Variants in RNF123 observed in about 807,000 individuals in gnomAD.
The protein encoded by RNF123 is ring finger protein 123.
In RNF123, 86 loss-of-function variants were observed where a neutral mutation model predicts 168.5. The ratio of observed to expected loss-of-function variants is 0.51; its 90% CI spans 0.43 to 0.61. The LOEUF is 0.61. RNF123 is among the 20% of genes least tolerant of loss of function. RNF123 has a pLI of 0.00. For missense variants in RNF123, 1,419 were observed against 1,729.7 expected, an observed-to-expected ratio of 0.82 and a Z score of 3.19; for synonymous variants, 666 against 689.1, an observed-to-expected ratio of 0.97 and a Z score of 0.52.
rs752125206 is a variant in RNF123, at chr3:49,699,599, G to A, written c.879+17G>A. On this transcript the variant is annotated intron_variant, in intron 11 of 38. Coordinates refer to ENST00000327697, the MANE Select transcript of RNF123 (RefSeq NM_022064.5). This position sits in a 1 kb window ranked among gnomAD's most constrained non-coding sequence, Gnocchi z 4.8. ...GACCCTGTGGTGAGCTGGGGTCTGG[G>A]CCAGGCGGGGTGGGGGGCTTCCACA... 6.2e-7 allele frequency: 1 copy of A among 1,612,750 alleles called. No individual in the cohort carries two copies. Among genetic ancestry groups the A allele is most frequent in the South Asian group, 1.1e-5 (1 of 91,016 alleles).
rs201130976 is a variant in RNF123, at chr3:49,691,434, A to G, written c.92A>G (p.Gln31Arg). The G allele has an allele frequency of 2.3e-5, 37 of 1,614,192 alleles. No homozygotes were observed. The highest frequency in any genetic ancestry group is 3.1e-5 in the Non-Finnish European group (36 of 1,180,020). Residue 31 changes from glutamine (Q) to arginine (R), a missense_variant, in exon 3 of 39, where the codon CAG becomes CGG. This residue lies in a region of RNF123 where 318 missense variants were observed against 446.6 expected (regional missense o/e 0.71). Coordinates refer to ENST00000327697, the MANE Select transcript of RNF123 (RefSeq NM_022064.5). ...AEKSRVTGIV[Q>R]EKLLNDYLNR... ...CTGACTTGTGGCTCAGGCATTGTGC[A>G]GGAGAAGCTGCTGAATGACTACCTG...
Position 49,721,377 on chromosome 3 carries a change from T to C in RNF123, c.*72T>C, listed in dbSNP as rs566389723. 2.5e-6 allele frequency: 4 copies of C among 1,596,026 alleles called. No individual in the cohort carries two copies. The Admixed American group carries it at 5.0e-5, about 20-fold the overall frequency. On this transcript the variant is annotated 3_prime_UTR_variant, in exon 39 of 39. Transcript: ENST00000327697. ...GCCAGGCTGGGCCCTATTTATGAGC[T>C]CCCTTTGCCCTTCTCCTGTATCCCA...
chr3:49,690,216 G>T (rs1030215525), intron 1 of RNF123, among the ~76,000 whole-genome samples: 1 of 152,228 alleles, frequency 6.6e-6, no homozygotes, highest in Non-Finnish European at 1.5e-5. Flanking sequence ...CTAGACCTGC[G>T]CTGTCTAATA....
intron 9 of RNF123, 25 bp from the exon 10 acceptor site, chr3:49,698,955 C>G (rs759773647): frequency 1.4e-5 from 22 of 1,612,792 alleles, no homozygotes; most frequent in Non-Finnish European, 1.9e-5. Context: ...TTAGCACTGG[C>G]TCACAGACCC....
At chr3:49,718,649 A>T in intron 35 of RNF123, 1 of 1,613,038 alleles carries the variant, frequency 6.2e-7, no homozygotes, top group Non-Finnish European at 8.5e-7. Context: ...GCCGACGAGC[A>T]GTTCTCAAAG....
rs201130976 is a variant in RNF123, at chr3:49,691,434, A to C, written c.92A>C (p.Gln31Pro). The C allele has an allele frequency of 6.2e-7, 1 of 1,614,192 alleles. No individual in the cohort carries two copies. The highest frequency in any genetic ancestry group is 1.7e-5 in the Admixed American group (1 of 60,026). Residue 31 changes from glutamine to proline, a missense_variant, in exon 3 of 39, where the codon CAG becomes CCG. Around this residue, in one of 5 missense-constraint regions of RNF123, gnomAD observed 318 missense variants for 446.6 expected, o/e 0.71. Coordinates refer to ENST00000327697, the MANE Select transcript of RNF123 (RefSeq NM_022064.5). ...CTGACTTGTGGCTCAGGCATTGTGC[A>C]GGAGAAGCTGCTGAATGACTACCTG... ...AEKSRVTGIV[Q>P]EKLLNDYLNR...
intron 28 of RNF123, 41 bp from the exon 29 acceptor site, chr3:49,713,697 C>T: frequency 6.3e-7 from 1 of 1,575,432 alleles, no homozygotes; most frequent in Non-Finnish European, 8.6e-7. Flanking sequence ...GGGTCCAGGG[C>T]TCATGCCAAG....
rs776207744 is a variant in RNF123, at chr3:49,716,119, G to C, written c.3357G>C (p.Leu1119=). ...CCTCACAGCTGCTAAACCAGGTGCT[G>C]AACCGGGTGACAGCTGAGAGGAACC... is the stretch of plus-strand genomic sequence containing the variant. ...RRLAQLLNQV[L]NRVTAERNLF... The change falls in exon 34 of 39, where the codon CTG becomes CTC. Residue 1119 remains leucine, a synonymous_variant. Coordinates refer to ENST00000327697, the MANE Select transcript of RNF123 (RefSeq NM_022064.5). The C allele has an allele frequency of 6.2e-7, 1 of 1,613,772 alleles. No individual in the cohort carries two copies. The highest frequency in any genetic ancestry group is 1.3e-5 in the African/African-American group (1 of 75,058).
chr3:49,719,711 A>G lies in RNF123; in HGVS notation c.3501-800A>G, dbSNP rs2080348659. The G allele has an allele frequency of 8.3e-6, 4 of 479,250 alleles. No individual in the cohort carries two copies. The South Asian group carries it at 1.4e-4, about 17-fold the overall frequency. The allele number at this position is 479,250 out of a possible 1,614,324, so 29.7% of individuals were successfully genotyped here. On this transcript the variant is annotated intron_variant, in intron 35 of 38. Coordinates refer to ENST00000327697, the MANE Select transcript of RNF123 (RefSeq NM_022064.5). Reference sequence around the variant, plus strand: ...AAGCGAGTTCCTGATCGGCTCCTAAATACTCCCCCCAGGGGCGGGGCCCGG... The same window carrying G: ...AAGCGAGTTCCTGATCGGCTCCTAAGTACTCCCCCCAGGGGCGGGGCCCGG...
In RNF123 at chr3:49,691,435, G is replaced by A; in HGVS notation, c.93G>A (p.Gln31=). 2 of 1,614,186 alleles carry A rather than the reference G, an allele frequency of 1.2e-6. No individual in the cohort carries two copies. Among genetic ancestry groups the A allele is most frequent in the Admixed American group, 1.7e-5 (1 of 60,026 alleles). The change falls in exon 3 of 39, where the codon CAG becomes CAA. Residue 31 remains glutamine (Q), a synonymous_variant. Transcript: ENST00000327697. ...TGACTTGTGGCTCAGGCATTGTGCA[G>A]GAGAAGCTGCTGAATGACTACCTGA... ...AEKSRVTGIV[Q]EKLLNDYLNR...
intron 35 of RNF123, chr3:49,719,662 C>T (rs1257966887): frequency 8.7e-6 from 5 of 572,930 alleles, no homozygotes; most frequent in Non-Finnish European, 1.6e-5. Context: ...AGCCGCGCTC[C>T]CTTCGGCTTC....
intron 3 of RNF123, among the ~76,000 whole-genome samples, chr3:49,696,166 T>TGGGAACC (rs1296770485): frequency 6.6e-6 from 1 of 152,218 alleles, no homozygotes; most frequent in East Asian, 1.9e-4. Flanking sequence ...CTGACCACTT[T>TGGGAACC]GGGAACCAGC....
intron 31 of RNF123, among the ~76,000 whole-genome samples, chr3:49,714,961 C>T (rs2080210948): frequency 2.0e-5 from 3 of 152,252 alleles, no homozygotes; most frequent in East Asian, 1.9e-4. Flanking sequence ...AACTGAGCTG[C>T]AAGTGGAGAG....
At position 49,697,439 on chromosome 3, in the gene RNF123, G is replaced by A. The variant is rs1448421619; in HGVS notation, c.324G>A (p.Val108=). 3 of 1,608,842 alleles carry A rather than the reference G, an allele frequency of 1.9e-6. No individual in the cohort carries two copies. Among genetic ancestry groups the A allele is most frequent in the Admixed American group, 1.7e-5 (1 of 59,382 alleles). The change falls in exon 5 of 39, where the codon GTG becomes GTA. Residue 108 remains valine, a synonymous_variant. Coordinates refer to ENST00000327697, the MANE Select transcript of RNF123 (RefSeq NM_022064.5). Reference sequence around the variant, plus strand: ...GCGGCTTTGAGGGGCTTCTCCTGGTGGATGATGACCTGCTGGGGGTGAGTG... The same window carrying A: ...GCGGCTTTGAGGGGCTTCTCCTGGTAGATGATGACCTGCTGGGGGTGAGTG... The part of the protein sequence containing the change: ...HTGGFEGLLL[V]DDDLLGVIGH...
At position 49,705,693 on chromosome 3, in the gene RNF123, G is replaced by A; in HGVS notation, c.2304+14G>A. Reference sequence around the variant, plus strand: ...CAGCTGGGCAAGGTCGTGCACTCTTGGACCCCGCATTGGGTGGCGGGTGTT... The same window carrying A: ...CAGCTGGGCAAGGTCGTGCACTCTTAGACCCCGCATTGGGTGGCGGGTGTT... On this transcript the variant is annotated intron_variant, in intron 24 of 38. Transcript: ENST00000327697. 1.2e-6 allele frequency: 2 copies of A among 1,614,132 alleles called. No individual in the cohort carries two copies. Among genetic ancestry groups the A allele is most frequent in the Non-Finnish European group, 1.7e-6 (2 of 1,179,992 alleles).
rs764481919 is a variant in RNF123, at chr3:49,718,935, C to T, written c.3501-1576C>T. ...GCAGGTGGGTGGCGCTCAGACCGTG[C>T]AGGTGGTCGAAGGAGAACGAGGCGA... On this transcript the variant is annotated intron_variant, in intron 35 of 38. Coordinates refer to ENST00000327697, the MANE Select transcript of RNF123 (RefSeq NM_022064.5). 2.5e-6 allele frequency: 4 copies of T among 1,613,606 alleles called. No homozygotes were observed. The African/African-American group carries it at 4.0e-5, about 16-fold the overall frequency.
At chr3:49,697,557 G>A in intron 5 of RNF123, 100 bp downstream of exon 5, 1 of 978,570 alleles carries the variant, frequency 1.0e-6, no homozygotes, top group Non-Finnish European at 1.5e-6. Flanking sequence ...ATCTGATGGG[G>A]CTGCAGCCAA....
chr3:49,705,753 A>C, intron 24 of RNF123, 74 bp downstream of exon 24: 1 of 1,596,702 alleles, frequency 6.3e-7, no homozygotes, highest in Non-Finnish European at 8.5e-7. Context: ...TCCTGTGTGC[A>C]CATGGGCCCG....
rs748649519 is a variant in RNF123 at position 49,716,472 on chromosome 3, C to T, written c.3495C>T (p.Ala1165=). The change falls in exon 35 of 39, where the codon GCC becomes GCT. Residue 1165 remains alanine (A), a synonymous_variant. Coordinates refer to ENST00000327697, the MANE Select transcript of RNF123 (RefSeq NM_022064.5). ...ILVQLLVRGP[A]SEREQATSVL... Reference sequence around the variant, plus strand: ...TGCAGCTCCTGGTGCGTGGCCCAGCCTCAGAGTGAGTGTTGGGGACCGTGG... The same window carrying T: ...TGCAGCTCCTGGTGCGTGGCCCAGCTTCAGAGTGAGTGTTGGGGACCGTGG... The T allele has an allele frequency of 3.1e-6, 5 of 1,613,708 alleles. No homozygotes were observed. The South Asian group carries it at 5.5e-5, about 18-fold the overall frequency.
Sources: gnomAD v4.1 joint callset for allele counts (sites outside exome capture counted in the v4.1 genomes callset) on GRCh38, gnomAD v4.1.1 for gene constraint, gnomAD v4.1.1 regional missense constraint, Gnocchi (gnomAD v3.1) non-coding constraint, MANE v1.5 for transcripts, NCBI Gene and HGNC (gene_info 2026-07-23, HGNC 2026-07-21) for gene names.